The following TUBA1C variants were observed in gnomAD, a reference collection of about 807,000 sequenced individuals.
TUBA1C encodes tubulin alpha 1c, also known as tubulin alpha-1C chain.
In TUBA1C, 16 loss-of-function variants were observed where a neutral mutation model predicts 34.9. The ratio of observed to expected loss-of-function variants is 0.46; its 90% confidence interval spans 0.31 to 0.70. TUBA1C has a LOEUF of 0.70. Among genes scored for constraint, TUBA1C ranks in the 30% least tolerant of loss-of-function variants. TUBA1C has a pLI of 0.05. For synonymous variants in TUBA1C, 177 were observed against 215.9 expected, an observed-to-expected ratio of 0.82 and a Z score of 1.58; for missense variants, 329 against 587.3, an observed-to-expected ratio of 0.56 and a Z score of 4.55.
chr12:49,231,483 C>T (rs997020247), intron 1 of TUBA1C, among the ~76,000 whole-genome samples: 4 of 152,024 alleles, frequency 2.6e-5, no homozygotes, highest in Non-Finnish European at 4.4e-5. Context: ...TTAAGTATTC[C>T]GAGTGACCAC....
Position 49,273,634 on chromosome 12 carries a change from C to T in TUBA1C, c.*407C>T, listed in dbSNP as rs1943025660. The T allele has an allele frequency of 3.8e-6, 1 of 261,452 alleles. No individual in the cohort carries two copies. Among genetic ancestry groups the T allele is most frequent in the Non-Finnish European group, 7.5e-6 (1 of 134,012 alleles). 16.2% of individuals were successfully genotyped at this position (261,452 alleles called of 1,614,324 possible). On this transcript the variant is annotated 3_prime_UTR_variant, in exon 4 of 4. Coordinates refer to ENST00000301072, the MANE Select transcript of TUBA1C (RefSeq NM_032704.5). ...AACTGGCTTCAAGTGATCCTCCTGC[C>T]TCAACCTCTCAAAGTTTTGATTATA... is the stretch of plus-strand genomic sequence containing the variant.
At chr12:49,270,256 C>T in intron 3 of TUBA1C, 1 of 562,402 alleles carries the variant, frequency 1.8e-6, no homozygotes, top group Non-Finnish European at 3.1e-6. Flanking sequence ...CTGACTTCTA[C>T]ATGTAACTAA....
chr12:49,235,206 C>T (rs1033382771), intron 1 of TUBA1C, among the ~76,000 whole-genome samples: 4 of 151,708 alleles, frequency 2.6e-5, no homozygotes, highest in African/African-American at 9.7e-5. Flanking sequence ...ATAAAAAGGG[C>T]TCCTGACACG....
At position 49,240,657 on chromosome 12, in the gene TUBA1C, T is replaced by C. The variant is rs114058470; in HGVS notation, c.213+12491T>C. Among the ~76,000 whole-genome samples the C allele has an allele frequency of 5.4e-3, 829 of 152,254 alleles. 9 individuals are homozygous for C. The highest frequency in any genetic ancestry group is 0.018 in the African/African-American group (757 of 41,548). On this transcript the variant is annotated intron_variant, in intron 1 of 3. Transcript: ENST00000541364. ...TGCTCGAGTGCAGTGGTGCGAACACTGCTCAGTGCAACTTCGACCTCCCGG... is the reference window on the plus strand; with the variant it reads ...TGCTCGAGTGCAGTGGTGCGAACACCGCTCAGTGCAACTTCGACCTCCCGG...
chr12:49,244,892 C>G (rs1942651842), intron 1 of TUBA1C, among the ~76,000 whole-genome samples: 1 of 152,088 alleles, frequency 6.6e-6, no homozygotes, highest in Non-Finnish European at 1.5e-5. Context: ...GATGCTTGCT[C>G]AGACCACACC....
chr12:49,229,123 G>C (rs1025572090), intron 1 of TUBA1C, among the ~76,000 whole-genome samples: 5 of 152,144 alleles, frequency 3.3e-5, no homozygotes, highest in African/African-American at 4.8e-5. Flanking sequence ...GTGGATTTTA[G>C]CTTGGTGTAT....
At chr12:49,253,028 G>A (rs887595589) in intron 1 of TUBA1C, among the ~76,000 whole-genome samples, 5 of 150,470 alleles carry the variant, frequency 3.3e-5, no homozygotes, top group African/African-American at 7.3e-5. Context: ...AGGTTGCAGT[G>A]AGCCAAGATT....
intron 1 of TUBA1C, among the ~76,000 whole-genome samples, chr12:49,256,718 C>G (rs1330660443): frequency 5.3e-5 from 8 of 152,260 alleles, no homozygotes; most frequent in African/African-American, 1.7e-4. Flanking sequence ...AAAACAGAGG[C>G]CTGCAAGTGC....
rs771169047 is a variant in TUBA1C at position 49,273,075 on chromosome 12, G to A, written c.1198G>A (p.Ala400Thr). The A allele has an allele frequency of 1.9e-6, 3 of 1,614,228 alleles. No homozygotes were observed. The East Asian group carries it at 6.7e-5, about 36-fold the overall frequency. The change falls in exon 4 of 4, where the codon GCC becomes ACC. Residue 400 changes from alanine (A) to threonine (T), a missense_variant. Coordinates refer to ENST00000301072, the MANE Select transcript of TUBA1C (RefSeq NM_032704.5). The stretch of plus-strand genomic sequence containing the variant: ...GGACCACAAGTTTGACCTGATGTAT[G>A]CCAAGCGTGCCTTTGTTCACTGGTA... ...RLDHKFDLMY[A>T]KRAFVHWYVG...
intron 1 of TUBA1C, among the ~76,000 whole-genome samples, chr12:49,228,604 A>G (rs555420006): frequency 1.1e-4 from 17 of 152,364 alleles, no homozygotes; most frequent in African/African-American, 3.6e-4. Flanking sequence ...ATGCATCTGC[A>G]GAATCTAAAG....
At chr12:49,261,160 G>A (rs1942836787), upstream of TUBA1C, among the ~76,000 whole-genome samples, 1 of 152,060 alleles carries the variant, frequency 6.6e-6, no homozygotes, top group Admixed American at 6.6e-5. Context: ...ACCAGCCTGG[G>A]GCTCAGTGGC....
intron 1 of TUBA1C, chr12:49,256,285 C>A (rs1942783749): frequency 9.0e-6 from 3 of 334,500 alleles, no homozygotes; most frequent in Non-Finnish European, 1.8e-5. Context: ...TCTGAAACAA[C>A]TTTGGTTTAT....
At chr12:49,251,648 C>T (rs978808835) in intron 1 of TUBA1C, among the ~76,000 whole-genome samples, 3 of 151,876 alleles carry the variant, frequency 2.0e-5, no homozygotes, top group African/African-American at 7.3e-5. Flanking sequence ...GTGGCAGGCA[C>T]CTTTAATCAC....
intron 1 of TUBA1C, among the ~76,000 whole-genome samples, chr12:49,232,286 T>C (rs1942506018): frequency 6.6e-6 from 1 of 152,200 alleles, no homozygotes; most frequent in East Asian, 1.9e-4. Context: ...TTACAAAATG[T>C]CCACCTTGTC....
chr12:49,234,924 T>C (rs1942536415), intron 1 of TUBA1C, among the ~76,000 whole-genome samples: 1 of 151,996 alleles, frequency 6.6e-6, no homozygotes. Flanking sequence ...TTCAAGCGAT[T>C]CTCCTGCCTC....
rs1037572454 is a variant in TUBA1C, at chr12:49,238,895, G to A, written c.213+10729G>A. ...CACACCACTCTCCAGGAACCTCTAC[G>A]TGTTCAGCCATCCAGAAGCTCTCTG... On this transcript the variant is annotated intron_variant, in intron 1 of 3. Transcript: ENST00000541364. Among the ~76,000 whole-genome samples the A allele has an allele frequency of 3.9e-5, 6 of 152,264 alleles. No homozygotes were observed. In the South Asian group the frequency reaches 8.3e-4, roughly 21 times the overall value.
chr12:49,253,150 C>T lies in TUBA1C; in HGVS notation c.214-16315C>T, dbSNP rs149190849. ...GAAAGTGAAAAATTAAGGGAAATTC[C>T]GGATGACTGCTGAGCAATATAAACC... On this transcript the variant is annotated intron_variant, in intron 1 of 3. Coordinates refer to the TUBA1C transcript ENST00000541364. Among the ~76,000 whole-genome samples, 9 of 151,344 alleles carry T rather than the reference C, an allele frequency of 5.9e-5. No homozygotes were observed. In the East Asian group the frequency reaches 9.7e-4, roughly 16 times the overall value.
At chr12:49,254,032 C>A (rs959589486) in intron 1 of TUBA1C, among the ~76,000 whole-genome samples, 1 of 152,094 alleles carries the variant, frequency 6.6e-6, no homozygotes, top group Admixed American at 6.6e-5. Context: ...GGAAGGGGAG[C>A]CGGGTGCGGT....
At chr12:49,268,117 GAC>G (rs201703708) in intron 1 of TUBA1C, among the ~76,000 whole-genome samples, 2,314 of 152,228 alleles carry the variant, frequency 0.015, 53 homozygotes, top group African/African-American at 0.052. Context: ...CACAGACACA[GAC>G]ACAGAGTCTT....
Sources: allele counts gnomAD v4.1 joint callset (sites outside exome capture counted in the v4.1 genomes callset), GRCh38; gene constraint gnomAD v4.1.1; transcripts MANE v1.5; gene names NCBI Gene and HGNC (gene_info 2026-07-23, HGNC 2026-07-21).